The following DCLK1 variants were observed in gnomAD, a reference collection of about 807,000 sequenced individuals.
DCLK1 encodes the protein doublecortin like kinase 1.
DCLK1 carries 16 observed loss-of-function variants against 86.2 expected under a neutral mutation model. That is an observed-to-expected ratio of 0.19 (90% CI 0.13 to 0.28). The LOEUF is 0.28. Ranked by LOEUF, DCLK1 falls within the 10% of genes least tolerant of loss-of-function variation. The pLI is 1.00. For missense variants in DCLK1, 590 were observed against 940.2 expected (o/e 0.63, Z 4.87); for synonymous variants, 369 against 370.5 (o/e 1.00, Z 0.05).
chr13:35,835,932 T>A, intron 8 of DCLK1, 101 bp downstream of exon 8: 1 of 895,618 alleles, frequency 1.1e-6, no homozygotes, highest in African/African-American at 1.7e-5. Flanking sequence ...AGACATTAAC[T>A]TATTCCATAT....
chr13:36,059,770 G>A (rs1432155343), intron 3 of DCLK1, among the ~76,000 whole-genome samples: 1 of 151,984 alleles, frequency 6.6e-6, no homozygotes, highest in Middle Eastern at 3.2e-3. Context: ...TTCTAACCCA[G>A]CTATTCCCTT....
chr13:36,053,907 C>A (rs1429775488), intron 3 of DCLK1, among the ~76,000 whole-genome samples: 1 of 152,014 alleles, frequency 6.6e-6, no homozygotes, highest in African/African-American at 2.4e-5. Flanking sequence ...GAGGAAGCTA[C>A]CTGACACAAA....
chr13:36,067,705 C>T (rs1351393380), intron 3 of DCLK1, among the ~76,000 whole-genome samples: 1 of 151,918 alleles, frequency 6.6e-6, no homozygotes, highest in Non-Finnish European at 1.5e-5. Context: ...CTCAGCTCTA[C>T]CTCCTTGAGG....
chr13:35,988,051 G>T (rs1257883965), intron 3 of DCLK1, among the ~76,000 whole-genome samples: 1 of 152,020 alleles, frequency 6.6e-6, no homozygotes, highest in Non-Finnish European at 1.5e-5. Flanking sequence ...CCCACTTTTG[G>T]ACATTTCTTG....
At chr13:36,127,152 G>A (rs926441064) in intron 1 of DCLK1, among the ~76,000 whole-genome samples, 10 of 152,234 alleles carry the variant, frequency 6.6e-5, no homozygotes, top group African/African-American at 2.4e-4. Context: ...TGGCCAGATG[G>A]AGAGCAAATT....
rs527954302 is a variant in DCLK1 at position 36,065,976 on chromosome 13, T to C, written c.723+45893A>G. On this transcript the variant is annotated intron_variant, in intron 3 of 16. Transcript: ENST00000360631. Reference sequence around the variant, plus strand: ...GGTGTAAAATTATGGCTGTTTTTTTTATTTTCTTCTTCATACCAAATGCTA... The same window carrying C: ...GGTGTAAAATTATGGCTGTTTTTTTCATTTTCTTCTTCATACCAAATGCTA... 6.8e-4 allele frequency among the ~76,000 whole-genome samples: 103 copies of C among 152,310 alleles called. 1 individual carries two copies. Among genetic ancestry groups the C allele is most frequent in the Admixed American group, 1.2e-3 (18 of 15,294 alleles).
intron 4 of DCLK1, among the ~76,000 whole-genome samples, chr13:35,928,163 C>T (rs1876231980): frequency 6.6e-6 from 1 of 152,208 alleles, no homozygotes; most frequent in South Asian, 2.1e-4. Context: ...GCCAGTTGGT[C>T]AGAAGTGTGG....
chr13:35,847,816 C>T (rs1870320063), intron 6 of DCLK1: 3 of 984,932 alleles, frequency 3.0e-6, no homozygotes, highest in African/African-American at 1.7e-5. Flanking sequence ...TATATGCGCA[C>T]AGGGATGTAT....
intron 4 of DCLK1, 126 bp downstream of exon 4, chr13:35,947,232 G>T (rs779615240): frequency 1.7e-6 from 1 of 576,062 alleles, no homozygotes; most frequent in Non-Finnish European, 3.0e-6. Context: ...ATATGGAAAA[G>T]ACACGCTGGG....
At chr13:35,798,880 G>A (rs2086863529) in intron 15 of DCLK1, among the ~76,000 whole-genome samples, 1 of 152,130 alleles carries the variant, frequency 6.6e-6, no homozygotes, top group African/African-American at 2.4e-5. Flanking sequence ...TATCTTGGGA[G>A]ATTATCCAGG....
chr13:35,867,909 A>AAAAGAAATAAAG (rs1555345724), intron 5 of DCLK1, among the ~76,000 whole-genome samples: 1 of 102,374 alleles, frequency 9.8e-6, no homozygotes, highest in Non-Finnish European at 1.9e-5. Context: ...GAAAGAAAGA[A>AAAAGAAATAAAG]AAAGAAAGAA....
chr13:35,887,716 C>A (rs1192490184), intron 4 of DCLK1, among the ~76,000 whole-genome samples: 1 of 151,758 alleles, frequency 6.6e-6, no homozygotes, highest in Non-Finnish European at 1.5e-5. Context: ...TGTCATGTAG[C>A]TAGATTGTTT....
chr13:36,129,632 C>T (rs1022999838), intron 1 of DCLK1, among the ~76,000 whole-genome samples: 1 of 152,210 alleles, frequency 6.6e-6, no homozygotes, highest in African/African-American at 2.4e-5. Context: ...ATCCACTGGC[C>T]TTCCACAGGT....
rs1417974692 is a variant in DCLK1, at chr13:35,773,525, G to A, written c.*1010C>T. ...CTGCCTCCAGTCCCCTTGTGCCCCA[G>A]CTCTCCTATGTGTGGATTTCATACT... On this transcript the variant is annotated 3_prime_UTR_variant, in exon 17 of 17. Coordinates refer to ENST00000360631, the MANE Select transcript of DCLK1 (RefSeq NM_001330071.2). 6.6e-6 allele frequency: 1 copy of A among 151,480 alleles called. No homozygotes were observed. Among genetic ancestry groups the A allele is most frequent in the Non-Finnish European group, 1.5e-5 (1 of 67,876 alleles). The allele number at this position is 151,480 out of a possible 1,614,324, so 9.4% of individuals were successfully genotyped here.
chr13:36,127,067 G>A (rs1490748483), intron 1 of DCLK1, among the ~76,000 whole-genome samples: 5 of 152,106 alleles, frequency 3.3e-5, no homozygotes, highest in Non-Finnish European at 5.9e-5. Flanking sequence ...AGCTATGGTG[G>A]GCTGGGACAG....
In DCLK1 at chr13:36,074,405, C is replaced by A. The variant is rs566345440; in HGVS notation, c.723+37464G>T. Among the ~76,000 whole-genome samples the A allele has an allele frequency of 1.3e-3, 166 of 127,996 alleles. 1 individual carries two copies. Among genetic ancestry groups the A allele is most frequent in the Non-Finnish European group, 1.2e-3 (72 of 62,390 alleles). The allele number at this position is 127,996 out of a possible 152,430, so 84.0% of individuals were successfully genotyped here. Reference sequence around the variant, plus strand: ...TCAGGAGGCTGAGGCAGGAGAATGGCGTGAACCCTGGGGGGCGGAGCCTGC... The same window carrying A: ...TCAGGAGGCTGAGGCAGGAGAATGGAGTGAACCCTGGGGGGCGGAGCCTGC... On this transcript the variant is annotated intron_variant, in intron 3 of 16. Coordinates refer to ENST00000360631, the MANE Select transcript of DCLK1 (RefSeq NM_001330071.2).
intron 3 of DCLK1, among the ~76,000 whole-genome samples, chr13:36,032,673 C>A (rs940089973): frequency 1.3e-5 from 2 of 152,120 alleles, no homozygotes; most frequent in African/African-American, 4.8e-5. Flanking sequence ...ATCCCTTGAG[C>A]CACATCAGGA....
chr13:35,905,058 C>T (rs1382175294), intron 4 of DCLK1, among the ~76,000 whole-genome samples: 1 of 152,196 alleles, frequency 6.6e-6, no homozygotes, highest in East Asian at 1.9e-4. Context: ...CTCTCATCAC[C>T]AGCACCTAGA....
chr13:35,782,190 T>A (rs923486749), intron 16 of DCLK1, among the ~76,000 whole-genome samples: 16 of 152,150 alleles, frequency 1.1e-4, no homozygotes, highest in African/African-American at 3.9e-4. Context: ...AACATAGGCT[T>A]CTCCTGCTGA....
Sources: gnomAD v4.1 joint callset for allele counts (sites outside exome capture counted in the v4.1 genomes callset) on GRCh38, gnomAD v4.1.1 for gene constraint, MANE v1.5 for transcripts, NCBI Gene and HGNC (gene_info 2026-07-23, HGNC 2026-07-21) for gene names.